Variants in CNTLN observed in about 807,000 individuals in gnomAD.
CNTLN encodes centlein.
A neutral mutation model predicts 180.0 loss-of-function variants in CNTLN; 212 were observed. That is an observed-to-expected ratio of 1.18 (90% CI 1.05 to 1.32). The LOEUF (loss-of-function observed/expected upper bound fraction) is 1.32. Ranked by LOEUF, CNTLN falls within the 40% of genes most tolerant of loss-of-function variation. The pLI, the probability that CNTLN is intolerant of heterozygous loss-of-function variation, is 0.00. For synonymous variants in CNTLN, 722 were observed against 563.1 expected, an observed-to-expected ratio of 1.28 and a Z score of -3.99; for missense variants, 2,095 against 1,610.9, an observed-to-expected ratio of 1.30 and a Z score of -5.14.
At chr9:17,460,848 C>G (rs1264973303) in intron 19 of CNTLN, among the ~76,000 whole-genome samples, 1 of 151,614 alleles carries the variant, frequency 6.6e-6, no homozygotes, top group Non-Finnish European at 1.5e-5. Flanking sequence ...ATTTTAAATA[C>G]AATTCTAAGT....
At chr9:17,362,816 G>C (rs1823507497) in intron 12 of CNTLN, among the ~76,000 whole-genome samples, 1 of 151,900 alleles carries the variant, frequency 6.6e-6, no homozygotes, top group Admixed American at 6.6e-5. Context: ...GTATACACGT[G>C]CCATGGTGGT....
chr9:17,357,121 G>A lies in CNTLN; in HGVS notation c.1887-9496G>A, dbSNP rs1005330775. ...GAATCATTTAATATTTGTCTTTTTT[G>A]TATGTGGATTATTTCATTTACTATT... On this transcript the variant is annotated intron_variant, in intron 12 of 25. Transcript: ENST00000380647. Among the ~76,000 whole-genome samples, 6 of 151,942 alleles carry A rather than the reference G, an allele frequency of 3.9e-5. No individual in the cohort carries two copies. The East Asian group carries it at 5.8e-4, about 15-fold the overall frequency.
At chr9:17,331,622 G>A (rs998342418) in intron 9 of CNTLN, among the ~76,000 whole-genome samples, 4 of 151,824 alleles carry the variant, frequency 2.6e-5, no homozygotes, top group Non-Finnish European at 4.4e-5. Flanking sequence ...TTTCTTATGG[G>A]TAGGACAAAC....
At chr9:17,370,421 A>C (rs1587805950) in intron 13 of CNTLN, among the ~76,000 whole-genome samples, 1 of 152,004 alleles carries the variant, frequency 6.6e-6, no homozygotes, top group Admixed American at 6.5e-5. Context: ...GTGCTGAAGG[A>C]AAAAACAACA....
At chr9:17,477,868 T>C (rs1430229707) in intron 23 of CNTLN, among the ~76,000 whole-genome samples, 1 of 152,202 alleles carries the variant, frequency 6.6e-6, no homozygotes, top group Non-Finnish European at 1.5e-5. Context: ...TTGACTCCAG[T>C]TTTGAAAGAA....
In CNTLN at chr9:17,502,850, G is replaced by C; in HGVS notation, c.*198G>C. 1 of 301,952 alleles carries C rather than the reference G, an allele frequency of 3.3e-6. No individual in the cohort carries two copies. The allele number at this position is 301,952 out of a possible 1,614,324, so 18.7% of individuals were successfully genotyped here. On this transcript the variant is annotated 3_prime_UTR_variant, in exon 26 of 26. Coordinates refer to ENST00000380647, the MANE Select transcript of CNTLN (RefSeq NM_017738.4). ...GTACATAGCCATTTAAAAGGAAATA[G>C]TGTAGCATCTGATGGTCGAATACAA...
rs1823853181 is a variant in CNTLN at position 17,366,699 on chromosome 9, G to C, written c.1969G>C (p.Val657Leu). 1 of 1,571,242 alleles carries C rather than the reference G, an allele frequency of 6.4e-7. No homozygotes were observed. Among genetic ancestry groups the C allele is most frequent in the Non-Finnish European group, 8.7e-7 (1 of 1,152,250 alleles). ...KAAIQELNRC[V>L]AERREEQLFR... ...AGCAATACAAGAATTGAATAGATGT[G>C]TGGCAGAGAGAAGAGAAGGTAAATT... Residue 657 changes from valine to leucine, a missense_variant, in exon 13 of 26, where the codon GTG becomes CTG. By Grantham distance (32) the Val-to-Leu change is conservative. Coordinates refer to ENST00000380647, the MANE Select transcript of CNTLN (RefSeq NM_017738.4).
chr9:17,322,016 T>TTTG (rs1353862857), intron 8 of CNTLN, among the ~76,000 whole-genome samples: 1 of 152,172 alleles, frequency 6.6e-6, no homozygotes, highest in African/African-American at 2.4e-5. Flanking sequence ...TTTATATGTG[T>TTTG]AAACTTAATT....
At chr9:17,220,915 A>C (rs777621245) in intron 2 of CNTLN, among the ~76,000 whole-genome samples, 1 of 152,140 alleles carries the variant, frequency 6.6e-6, no homozygotes, top group African/African-American at 2.4e-5. Context: ...ATATGGGTGC[A>C]TATGTCTTTA....
chr9:17,338,188 G>C (rs10963042), intron 10 of CNTLN, among the ~76,000 whole-genome samples: 88,042 of 147,396 alleles, frequency 0.6, 26,430 homozygotes, highest in East Asian at 0.73. Flanking sequence ...TTGACAGAGT[G>C]TCTCTCTGTC....
chr9:17,501,578 G>A (rs769658346), intron 25 of CNTLN, among the ~76,000 whole-genome samples: 28 of 152,250 alleles, frequency 1.8e-4, no homozygotes, highest in Non-Finnish European at 3.8e-4. Flanking sequence ...TGCCGACAGT[G>A]ATGCTGTCAG....
intron 18 of CNTLN, among the ~76,000 whole-genome samples, chr9:17,420,702 T>C (rs1207781748): frequency 6.6e-6 from 1 of 152,138 alleles, no homozygotes; most frequent in African/African-American, 2.4e-5. Flanking sequence ...AGGTATAAAC[T>C]TCTCTCTTAG....
At chr9:17,231,308 T>G (rs371963408) in intron 3 of CNTLN, among the ~76,000 whole-genome samples, 1 of 152,124 alleles carries the variant, frequency 6.6e-6, no homozygotes, top group Non-Finnish European at 1.5e-5. Context: ...AACTCTTACT[T>G]CTGTATCTAG....
chr9:17,214,236 G>T (rs543495382), intron 2 of CNTLN, among the ~76,000 whole-genome samples: 27 of 152,246 alleles, frequency 1.8e-4, no homozygotes, highest in African/African-American at 5.5e-4. Context: ...AGGAGGTCTT[G>T]TAGGGCAGGC....
intron 3 of CNTLN, among the ~76,000 whole-genome samples, chr9:17,233,066 G>T (rs1824910625): frequency 6.6e-6 from 1 of 152,034 alleles, no homozygotes; most frequent in South Asian, 2.1e-4. Context: ...AGAGTTAAGT[G>T]TTGGTATGGA....
At chr9:17,184,393 T>C (rs528614189) in intron 2 of CNTLN, among the ~76,000 whole-genome samples, 2 of 152,114 alleles carry the variant, frequency 1.3e-5, no homozygotes, top group South Asian at 4.1e-4. Context: ...TCAGAAGCAA[T>C]TGTATTTTAA....
intron 14 of CNTLN, among the ~76,000 whole-genome samples, chr9:17,389,436 T>C (rs1825930852): frequency 2.0e-5 from 3 of 152,186 alleles, no homozygotes; most frequent in Admixed American, 6.5e-5. Flanking sequence ...TTTCTTGCCT[T>C]AGGGTAGAAA....
rs1443598910 is a variant in CNTLN, at chr9:17,135,283, C to T, written c.218C>T (p.Ala73Val). The T allele has an allele frequency of 6.2e-7, 1 of 1,600,878 alleles. No individual in the cohort carries two copies. The highest frequency in any genetic ancestry group is 1.7e-5 in the Admixed American group (1 of 57,910). The stretch of plus-strand genomic sequence containing the variant: ...GGCCGGCGAGGGCCTGGGGGGGCAG[C>T]TCCGGCTCATGCTCCCCTCCTCAGC... ...SGGRRGPGGA[A>V]PAHAPLLSAP... Residue 73 changes from alanine (A) to valine (V), a missense_variant, in exon 1 of 26, where the codon GCT becomes GTT. Physicochemically the swap from Ala to Val is moderately conservative, Grantham distance 64. Coordinates refer to ENST00000380647, the MANE Select transcript of CNTLN (RefSeq NM_017738.4).
intron 2 of CNTLN, among the ~76,000 whole-genome samples, chr9:17,165,631 A>T (rs1301858459): frequency 1.3e-5 from 2 of 152,216 alleles, no homozygotes; most frequent in South Asian, 4.1e-4. Flanking sequence ...AGGAGGCAGG[A>T]AGTTTATTTC....
Sources: gnomAD v4.1 joint callset for allele counts (sites outside exome capture counted in the v4.1 genomes callset) on GRCh38, gnomAD v4.1.1 for gene constraint, MANE v1.5 for transcripts, NCBI Gene and HGNC (gene_info 2026-07-23, HGNC 2026-07-21) for gene names.